Variants in SMOC1 observed in about 807,000 individuals in gnomAD.
SMOC1 encodes SPARC-related modular calcium-binding protein 1.
In SMOC1, 22 loss-of-function variants were observed where a neutral mutation model predicts 56.3. That is an observed-to-expected ratio of 0.39 (90% CI 0.28 to 0.56). SMOC1 has a LOEUF of 0.56. Among genes scored for constraint, SMOC1 ranks in the 20% least tolerant of loss-of-function variants. The pLI, the probability that SMOC1 is intolerant of heterozygous loss-of-function variation, is 0.61. For missense variants in SMOC1, 509 were observed against 565.4 expected, an observed-to-expected ratio of 0.90 and a Z score of 1.01; for synonymous variants, 193 against 215.0, an observed-to-expected ratio of 0.90 and a Z score of 0.89.
intron 1 of SMOC1, among the ~76,000 whole-genome samples, chr14:69,888,047 C>G (rs2071604076): frequency 6.6e-6 from 1 of 152,122 alleles, no homozygotes; most frequent in Admixed American, 6.5e-5. Context: ...GCAGCCAAGT[C>G]CTGGTATTGC....
At chr14:69,953,346 T>C in intron 2 of SMOC1, 74 bp from the exon 3 acceptor site, 5 of 1,425,940 alleles carry the variant, frequency 3.5e-6, no homozygotes, top group Non-Finnish European at 5.0e-6. Flanking sequence ...GGAGTGGTTT[T>C]CTCAGCCATT....
intron 1 of SMOC1, among the ~76,000 whole-genome samples, chr14:69,907,005 C>T (rs573951467): frequency 6.6e-6 from 1 of 152,238 alleles, no homozygotes; most frequent in East Asian, 1.9e-4. Flanking sequence ...GAAAAAATTA[C>T]TAGAGGAATG....
chr14:70,011,625 CATT>C, intron 9 of SMOC1, 58 bp downstream of exon 9: 1 of 1,479,778 alleles, frequency 6.8e-7, no homozygotes, highest in Non-Finnish European at 9.4e-7. Flanking sequence ...TCCACCCTCT[CATT>C]ATGCAGAAGA....
chr14:69,889,161 C>G (rs937885113), intron 1 of SMOC1, among the ~76,000 whole-genome samples: 1 of 152,118 alleles, frequency 6.6e-6, no homozygotes, highest in South Asian at 2.1e-4. Flanking sequence ...TCATATTGGA[C>G]AGTGCTGGAC....
intron 11 of SMOC1, 71 bp from the exon 12 acceptor site, chr14:70,030,171 C>T (rs1299782510): frequency 6.2e-7 from 1 of 1,604,620 alleles, no homozygotes; most frequent in Non-Finnish European, 8.5e-7. Flanking sequence ...ACAAGCCCAA[C>T]TCTAACTTCT....
chr14:69,932,714 G>T (rs1380698965), intron 1 of SMOC1, among the ~76,000 whole-genome samples: 2 of 152,192 alleles, frequency 1.3e-5, no homozygotes, highest in Non-Finnish European at 2.9e-5. Flanking sequence ...CCCTGTGCCG[G>T]AAGATGGAGA....
intron 11 of SMOC1, among the ~76,000 whole-genome samples, chr14:70,028,851 A>G (rs1350299572): frequency 3.3e-5 from 5 of 152,172 alleles, no homozygotes; most frequent in Admixed American, 1.3e-4. Flanking sequence ...ACTCCACCCC[A>G]TGTCCGCTCT....
Position 69,909,863 on chromosome 14 carries a change from C to G in SMOC1, c.99+30086C>G, listed in dbSNP as rs2478454. On this transcript the variant is annotated intron_variant, in intron 1 of 11. Coordinates refer to ENST00000361956, the MANE Select transcript of SMOC1 (RefSeq NM_001034852.3). ...TGAGAATGAGGACTGGGGAGTGAGA[C>G]AGCAGAGGTTTTTGGGTCTAGCACT... Among the ~76,000 whole-genome samples, 512 of 152,302 alleles carry G rather than the reference C, an allele frequency of 3.4e-3. 3 individuals carry two copies. Among genetic ancestry groups the G allele is most frequent in the Non-Finnish European group, 5.8e-3 (394 of 68,034 alleles).
At chr14:69,936,300 T>C (rs963660810) in intron 1 of SMOC1, among the ~76,000 whole-genome samples, 1 of 152,154 alleles carries the variant, frequency 6.6e-6, no homozygotes, top group Non-Finnish European at 1.5e-5. Context: ...AGCTGCATCA[T>C]AGGGAAGGCT....
chr14:69,885,080 A>G (rs147328420), intron 1 of SMOC1, among the ~76,000 whole-genome samples: 8 of 152,162 alleles, frequency 5.3e-5, no homozygotes, highest in African/African-American at 1.7e-4. Flanking sequence ...ATCTCTTTCC[A>G]TTCATTTGTG....
intron 3 of SMOC1, among the ~76,000 whole-genome samples, chr14:69,966,905 A>G (rs1883597730): frequency 6.6e-6 from 1 of 152,188 alleles, no homozygotes; most frequent in African/African-American, 2.4e-5. Flanking sequence ...CCTTAGTTCT[A>G]GCACTCATTC....
rs566139697 is a variant in SMOC1, at chr14:69,895,482, G to A, written c.99+15705G>A. Among the ~76,000 whole-genome samples, 21 of 152,322 alleles carry A rather than the reference G, an allele frequency of 1.4e-4. No homozygotes were observed. The South Asian group carries it at 2.3e-3, about 17-fold the overall frequency. On this transcript the variant is annotated intron_variant, in intron 1 of 11. Coordinates refer to ENST00000361956, the MANE Select transcript of SMOC1 (RefSeq NM_001034852.3). ...TGAGAGCATGTTTGATCTGAAGGTCGACATGATAGTTTCCTAGGTGGGTTT... is the reference window on the plus strand; with the variant it reads ...TGAGAGCATGTTTGATCTGAAGGTCAACATGATAGTTTCCTAGGTGGGTTT...
chr14:69,920,712 C>T (rs190782523), intron 1 of SMOC1, among the ~76,000 whole-genome samples: 324 of 152,234 alleles, frequency 2.1e-3, no homozygotes, highest in South Asian at 3.5e-3. Context: ...TAAAACTTTA[C>T]GTGGGATAAG....
At chr14:69,942,987 C>T (rs1041179632) in intron 1 of SMOC1, among the ~76,000 whole-genome samples, 4 of 151,514 alleles carry the variant, frequency 2.6e-5, no homozygotes, top group Non-Finnish European at 5.9e-5. Context: ...GGCCCTGGCC[C>T]ATCATCCCTG....
intron 1 of SMOC1, among the ~76,000 whole-genome samples, chr14:69,931,944 G>A (rs1353288114): frequency 2.6e-5 from 4 of 152,314 alleles, no homozygotes; most frequent in Admixed American, 1.3e-4. Flanking sequence ...ACCTCAAGGC[G>A]TGGGATGAGA....
intron 1 of SMOC1, among the ~76,000 whole-genome samples, chr14:69,894,746 A>G (rs546102075): frequency 6.6e-6 from 1 of 152,272 alleles, no homozygotes; most frequent in African/African-American, 2.4e-5. Flanking sequence ...TATTAAGGGG[A>G]TTAAATGATT....
At chr14:70,004,906 C>T (rs376988286) in intron 7 of SMOC1, among the ~76,000 whole-genome samples, 20 of 152,210 alleles carry the variant, frequency 1.3e-4, no homozygotes, top group South Asian at 2.1e-4. Context: ...CCCGTCTCCC[C>T]CTTTGACCTC....
chr14:69,952,114 C>A (rs768312172), intron 1 of SMOC1, 24 bp from the exon 2 acceptor site: 2 of 1,613,816 alleles, frequency 1.2e-6, no homozygotes, highest in Non-Finnish European at 1.7e-6. Context: ...AACCTCTGTA[C>A]CCTTTCACTT....
intron 1 of SMOC1, among the ~76,000 whole-genome samples, chr14:69,890,563 C>G (rs1282057717): frequency 6.6e-6 from 1 of 152,088 alleles, no homozygotes; most frequent in Non-Finnish European, 1.5e-5. Flanking sequence ...TTGAAAAATG[C>G]CCCCTAAACC....
Sources: allele counts gnomAD v4.1 joint callset (sites outside exome capture counted in the v4.1 genomes callset), GRCh38; gene constraint gnomAD v4.1.1; transcripts MANE v1.5; gene names NCBI Gene and HGNC (gene_info 2026-07-23, HGNC 2026-07-21).